UBAP2L: variants seen among roughly 807,000 people sequenced by gnomAD.
The protein encoded by UBAP2L is ubiquitin associated protein 2 like.
In UBAP2L, 12 loss-of-function variants were observed where a neutral mutation model predicts 130.6. The observed-to-expected ratio is 0.09, with a 90% CI of 0.06 to 0.15. The LOEUF is 0.15. Ranked by LOEUF, UBAP2L falls within the 10% of genes least tolerant of loss-of-function variation. The pLI is 1.00. For synonymous variants in UBAP2L, 503 were observed against 524.7 expected, an observed-to-expected ratio of 0.96 and a Z score of 0.57; for missense variants, 965 against 1,332.5, an observed-to-expected ratio of 0.72 and a Z score of 4.29.
intron 21 of UBAP2L, 90 bp downstream of exon 21, chr1:154,259,120 C>T: frequency 1.7e-6 from 2 of 1,162,104 alleles, no homozygotes. Context: ...AGCTCTTTCC[C>T]ATCCCAGCCC....
At position 154,268,876 on chromosome 1, in the gene UBAP2L, C is replaced by A; in HGVS notation, c.3090C>A (p.Ala1030=). Reference sequence around the variant, plus strand: ...CCACAGCTGCTGCCTACCCACCTGCCCCCTTTATGCACATTCTGACCCCCC... The same window carrying A: ...CCACAGCTGCTGCCTACCCACCTGCACCCTTTATGCACATTCTGACCCCCC... ...NPATAAAYPP[A]PFMHILTPHQ... is the part of the protein sequence containing the mutation. Residue 1030 remains alanine (A), a synonymous_variant, in exon 26 of 27, where the codon GCC becomes GCA. Coordinates refer to ENST00000428931, the MANE Select transcript of UBAP2L (RefSeq NM_014847.4). The A allele has an allele frequency of 6.2e-7, 1 of 1,612,202 alleles. No individual in the cohort carries two copies. Among genetic ancestry groups the A allele is most frequent in the Non-Finnish European group, 8.5e-7 (1 of 1,179,040 alleles).
chr1:154,244,954 C>T (rs1674885138), intron 10 of UBAP2L, among the ~76,000 whole-genome samples: 1 of 150,234 alleles, frequency 6.7e-6, no homozygotes, highest in Non-Finnish European at 1.5e-5. Context: ...TTTTTTGAGA[C>T]AGAGTCTCAC....
chr1:154,255,474 AGAGGAGGCTT>A, intron 17 of UBAP2L, 148 bp downstream of exon 17: 4 of 1,221,764 alleles, frequency 3.3e-6, no homozygotes, highest in Non-Finnish European at 3.4e-6. Context: ...AAGTGAAGAC[AGAGGAGGCTT>A]GTTTTAATTT....
At chr1:154,241,491 C>T (rs2148732067) in intron 8 of UBAP2L, 22 bp from the exon 9 acceptor site, 2 of 1,611,824 alleles carry the variant, frequency 1.2e-6, no homozygotes. Context: ...GAAGTTACTT[C>T]ACTATTTTTC....
At position 154,255,666 on chromosome 1, in the gene UBAP2L, CTCT is replaced by C. The variant is rs1372108842; in HGVS notation, c.2085-15_2085-13del. On this transcript the variant is annotated splice_polypyrimidine_tract_variant and intron_variant, in intron 17 of 26. Transcript: ENST00000428931. ...CTATAGCACTATGGCTGATGGCAGC[CTCT>C]TTTTTTCTGACAGCACGTTATCTAC... The C allele has an allele frequency of 5.0e-6, 8 of 1,614,038 alleles. No homozygotes were observed. The highest frequency in any genetic ancestry group is 5.9e-6 in the Non-Finnish European group (7 of 1,179,964).
chr1:154,255,081 G>T, intron 16 of UBAP2L, 71 bp from the exon 17 acceptor site: 2 of 1,552,486 alleles, frequency 1.3e-6, no homozygotes, highest in Non-Finnish European at 8.8e-7. Context: ...AACTGCCTTG[G>T]ACTGTGGTCA....
In UBAP2L at chr1:154,249,182, A is replaced by C. The variant is rs541505188; in HGVS notation, c.1015-57A>C. 6.8e-5 allele frequency: 106 copies of C among 1,564,302 alleles called. 3 individuals are homozygous for C. In the South Asian group the frequency reaches 1.2e-3, roughly 17 times the overall value. ...CTCGGTCTGGATAAGTGTCTTTATG[A>C]GTAGCTGAACAAGGTTACTGGCTGT... On this transcript the variant is annotated intron_variant, in intron 11 of 26. Coordinates refer to ENST00000428931, the MANE Select transcript of UBAP2L (RefSeq NM_014847.4).
chr1:154,267,649 T>C (rs1683680666), intron 25 of UBAP2L, among the ~76,000 whole-genome samples: 1 of 151,512 alleles, frequency 6.6e-6, no homozygotes, highest in South Asian at 2.1e-4. Flanking sequence ...TTTTGTTTGT[T>C]TTGTATTTTG....
At position 154,258,963 on chromosome 1, in the gene UBAP2L, T is replaced by A; in HGVS notation, c.2443-14T>A. 1.2e-6 allele frequency: 2 copies of A among 1,612,996 alleles called. No homozygotes were observed. The highest frequency in any genetic ancestry group is 1.7e-6 in the Non-Finnish European group (2 of 1,179,158). ...GACCAGTTCCTGTTATTGCTATATG[T>A]CTGTATCTTTCAGCCACAAGTATAT... On this transcript the variant is annotated splice_polypyrimidine_tract_variant and intron_variant, in intron 20 of 26. Coordinates refer to ENST00000428931, the MANE Select transcript of UBAP2L (RefSeq NM_014847.4).
chr1:154,244,383 G>A (rs1282167043), intron 10 of UBAP2L, among the ~76,000 whole-genome samples: 1 of 151,876 alleles, frequency 6.6e-6, no homozygotes, highest in African/African-American at 2.4e-5. Flanking sequence ...TTTTGTTTTT[G>A]TTTTTGAGAC....
upstream of UBAP2L, chr1:154,220,265 G>A: frequency 3.2e-6 from 5 of 1,542,054 alleles, no homozygotes; most frequent in South Asian, 1.1e-5. Flanking sequence ...GGAGAATGCA[G>A]ACGGGGTACA....
In UBAP2L at chr1:154,260,933, G is replaced by T; in HGVS notation, c.2620G>T (p.Ala874Ser). 6.2e-7 allele frequency: 1 copy of T among 1,614,188 alleles called. No individual in the cohort carries two copies. The highest frequency in any genetic ancestry group is 1.3e-5 in the African/African-American group (1 of 75,042). Reference protein sequence around the residue: ...KFGRGDASSPAPATTLAQPQQ... With the variant: ...KFGRGDASSPSPATTLAQPQQ... Reference sequence around the variant, plus strand: ...CGGCCGTGGGGATGCCTCCTCCCCAGCCCCGGCCACAACCTTGGCCCAACC... The same window carrying T: ...CGGCCGTGGGGATGCCTCCTCCCCATCCCCGGCCACAACCTTGGCCCAACC... The change falls in exon 23 of 27, where the codon GCC becomes TCC. Residue 874 changes from alanine (A) to serine (S), a missense_variant. Around this residue, in one of 9 missense-constraint regions of UBAP2L, gnomAD observed 194 missense variants for 334.0 expected, o/e 0.58. Coordinates refer to ENST00000428931, the MANE Select transcript of UBAP2L (RefSeq NM_014847.4).
rs1264207247 is a variant in UBAP2L at position 154,228,699 on chromosome 1, G to A, written c.253G>A (p.Val85Ile). ...CNGDVNRAINVLLEGNPDTHS... is the reference protein window; with the variant it reads ...CNGDVNRAINILLEGNPDTHS... ...TGGAGATGTCAACAGAGCTATCAAT[G>A]TTCTTCTGGAAGGAAACCCAGACAC... is the stretch of plus-strand genomic sequence containing the variant. The change falls in exon 4 of 27, where the codon GTT becomes ATT. Residue 85 changes from valine (V) to isoleucine (I), a missense_variant. Physicochemically the swap from Val to Ile is conservative, Grantham distance 29 (BLOSUM62 3). Transcript: ENST00000428931. 1 of 1,612,834 alleles carries A rather than the reference G, an allele frequency of 6.2e-7. No homozygotes were observed. Among genetic ancestry groups the A allele is most frequent in the East Asian group, 2.2e-5 (1 of 44,868 alleles).
intron 25 of UBAP2L, 41 bp downstream of exon 25, chr1:154,266,609 CAT>C (rs1453579277): frequency 6.3e-7 from 1 of 1,594,488 alleles, no homozygotes; most frequent in Non-Finnish European, 8.6e-7. Context: ...AAGAGATAGA[CAT>C]AGAGGAGGTG....
In UBAP2L at chr1:154,255,192, T is replaced by G. The variant is rs762237489; in HGVS notation, c.1950T>G (p.Thr650=). ...CAGTGAAATCTGATTCACCTTCCAC[T>G]TCTAGCATCCCCCCTCTCAATGAAA... is the stretch of plus-strand genomic sequence containing the variant. ...GSAVKSDSPS[T]SSIPPLNETV... The change falls in exon 17 of 27, where the codon ACT becomes ACG. Residue 650 remains threonine (T), a synonymous_variant. Coordinates refer to ENST00000428931, the MANE Select transcript of UBAP2L (RefSeq NM_014847.4). 2.5e-6 allele frequency: 4 copies of G among 1,614,160 alleles called. No homozygotes were observed. The South Asian group carries it at 4.4e-5, about 18-fold the overall frequency.
chr1:154,241,596 G>C, intron 9 of UBAP2L, 31 bp downstream of exon 9: 1 of 1,612,760 alleles, frequency 6.2e-7, no homozygotes, highest in Non-Finnish European at 8.5e-7. Flanking sequence ...CCTCACTAAT[G>C]CCTTCTATCC....
chr1:154,228,819 G>A (rs1012583133), intron 4 of UBAP2L, 94 bp downstream of exon 4: 3 of 857,836 alleles, frequency 3.5e-6, no homozygotes, highest in Non-Finnish European at 5.3e-6. Context: ...CCTTAAAGCA[G>A]AGCACCTTTT....
chr1:154,246,630 ACAC>A (rs1373638689), intron 11 of UBAP2L, among the ~76,000 whole-genome samples: 2 of 152,236 alleles, frequency 1.3e-5, no homozygotes, highest in Non-Finnish European at 2.9e-5. Flanking sequence ...TGCTGAATGA[ACAC>A]CATTTGCCAT....
intron 25 of UBAP2L, 87 bp from the exon 26 acceptor site, chr1:154,268,670 G>T (rs1294908404): frequency 4.5e-6 from 6 of 1,346,166 alleles, no homozygotes; most frequent in African/African-American, 1.4e-5. Flanking sequence ...GCTGCTTTCT[G>T]AGGGTCAGGG....
Sources: allele counts gnomAD v4.1 joint callset (sites outside exome capture counted in the v4.1 genomes callset), GRCh38; gene constraint gnomAD v4.1.1; regional missense constraint gnomAD v4.1.1; transcripts MANE v1.5; gene names NCBI Gene and HGNC (gene_info 2026-07-23, HGNC 2026-07-21).